Variants in SLC24A2 observed in about 807,000 individuals in gnomAD.
SLC24A2 encodes solute carrier family 24 member 2.
Under a neutral mutation model 62.0 loss-of-function variants are expected in SLC24A2, and 36 were observed. That is an observed-to-expected ratio of 0.58 (90% CI 0.44 to 0.77). SLC24A2 has a LOEUF of 0.77. Among genes scored for constraint, SLC24A2 ranks in the 30% least tolerant of loss-of-function variants. SLC24A2 has a pLI of 0.00. For synonymous variants in SLC24A2, 358 were observed against 294.0 expected (o/e 1.22, Z -2.23); for missense variants, 846 against 817.9 (o/e 1.03, Z -0.42).
chr9:20,232,801 C>T, the SLC24A2 span, among the ~76,000 whole-genome samples: 6 of 151,962 alleles, frequency 3.9e-5, no homozygotes, highest in Middle Eastern at 3.4e-3. Flanking sequence ...TTTTCTCGTT[C>T]TTTTAAGTGT....
chr9:20,074,600 AG>A, the SLC24A2 span, among the ~76,000 whole-genome samples: 2 of 59,550 alleles, frequency 3.4e-5, no homozygotes, highest in Non-Finnish European at 6.1e-5. Flanking sequence ...GAAGGAAGGA[AG>A]GAAAGAAGGG....
In SLC24A2 at chr9:19,509,523, C is replaced by G. The variant is rs1197705853; in HGVS notation, c.*6630G>C. 1 of 152,020 alleles carries G rather than the reference C, an allele frequency of 6.6e-6. No individual in the cohort carries two copies. Among genetic ancestry groups the G allele is most frequent in the Non-Finnish European group, 1.5e-5 (1 of 67,988 alleles). 9.4% of individuals were successfully genotyped at this position (152,020 alleles called of 1,614,324 possible). A position where few individuals can be genotyped will look rare whatever the true frequency, so the allele number is the denominator to read the frequency against. ...TTATGGCTTTAATTAAGACAGTTGT[C>G]TCTTATGAAGTACTATAAAGTGCAA... On this transcript the variant is annotated 3_prime_UTR_variant, in exon 11 of 11. Transcript: ENST00000341998.
At chr9:20,222,805 A>G in the SLC24A2 span, among the ~76,000 whole-genome samples, 1 of 152,120 alleles carries the variant, frequency 6.6e-6, no homozygotes, top group Non-Finnish European at 1.5e-5. Context: ...GCCAACTAGA[A>G]TTATAAATGA....
chr9:20,008,551 G>C, the SLC24A2 span, among the ~76,000 whole-genome samples: 1 of 152,086 alleles, frequency 6.6e-6, no homozygotes, highest in South Asian at 2.1e-4. Context: ...AGCCACCTTG[G>C]CAGCTCCATG....
At chr9:19,542,398 G>T (rs1218445633) in intron 8 of SLC24A2, among the ~76,000 whole-genome samples, 1 of 152,164 alleles carries the variant, frequency 6.6e-6, no homozygotes, top group East Asian at 1.9e-4. Context: ...GAGACAATTT[G>T]ACTTCCTCTT....
chr9:19,868,800 G>T, the SLC24A2 span, among the ~76,000 whole-genome samples: 1 of 148,614 alleles, frequency 6.7e-6, no homozygotes, highest in Admixed American at 6.7e-5. Flanking sequence ...GCTCTCTTTT[G>T]GTTACTCTTT....
At chr9:19,889,785 C>T in the SLC24A2 span, among the ~76,000 whole-genome samples, 1 of 152,170 alleles carries the variant, frequency 6.6e-6, no homozygotes, top group Non-Finnish European at 1.5e-5. Context: ...GCCAATGATT[C>T]ATTCTACACT....
the SLC24A2 span, among the ~76,000 whole-genome samples, chr9:20,205,896 A>C: frequency 6.6e-6 from 1 of 152,164 alleles, no homozygotes; most frequent in African/African-American, 2.4e-5. Flanking sequence ...GATGAAGTCG[A>C]CAATGATATT....
the SLC24A2 span, among the ~76,000 whole-genome samples, chr9:20,010,833 C>T: frequency 1.4e-5 from 2 of 144,576 alleles, no homozygotes; most frequent in Non-Finnish European, 3.0e-5. Context: ...TTGTTCAATT[C>T]CCACCTATGA....
chr9:20,051,675 T>TTTTTTTTTTTC, the SLC24A2 span, among the ~76,000 whole-genome samples: 3 of 145,390 alleles, frequency 2.1e-5, no homozygotes, highest in Non-Finnish European at 4.5e-5. Flanking sequence ...TTTTTTTTTT[T>TTTTTTTTTTTC]TTTTGGTGCT....
In SLC24A2 at chr9:19,665,701, C is replaced by T. The variant is rs530182801; in HGVS notation, c.931-43402G>A. On this transcript the variant is annotated intron_variant, in intron 2 of 10. Transcript: ENST00000341998. ...AGTACAGTGGCATGATCATGGCTCA[C>T]TGCAGCCTGACCTCCTGAGCTCAAG... 1.1e-4 allele frequency among the ~76,000 whole-genome samples: 16 copies of T among 152,220 alleles called. No homozygotes were observed. In the South Asian group the frequency reaches 3.1e-3, roughly 30 times the overall value.
the SLC24A2 span, among the ~76,000 whole-genome samples, chr9:20,195,317 C>CTA: frequency 6.6e-6 from 1 of 152,052 alleles, no homozygotes; most frequent in Admixed American, 6.5e-5. Flanking sequence ...ATTTATAGTC[C>CTA]AATCAGTGAT....
intron 2 of SLC24A2, among the ~76,000 whole-genome samples, chr9:19,627,557 C>T (rs1207332405): frequency 6.6e-6 from 1 of 152,112 alleles, no homozygotes; most frequent in African/African-American, 2.4e-5. Flanking sequence ...GAGGCTTGCT[C>T]TGTTGTTGCC....
At chr9:19,977,135 G>GTC in the SLC24A2 span, among the ~76,000 whole-genome samples, 1 of 151,740 alleles carries the variant, frequency 6.6e-6, no homozygotes, top group Non-Finnish European at 1.5e-5. Flanking sequence ...GTGTGTGTGT[G>GTC]TGTGTGTGTG....
the SLC24A2 span, among the ~76,000 whole-genome samples, chr9:20,216,479 T>C: frequency 1.9e-4 from 29 of 152,190 alleles, 1 homozygote; most frequent in Non-Finnish European, 3.7e-4. Flanking sequence ...GCTCTTACTG[T>C]CTTTATCAGA....
At chr9:20,165,069 G>A in the SLC24A2 span, among the ~76,000 whole-genome samples, 1 of 150,936 alleles carries the variant, frequency 6.6e-6, no homozygotes, top group Non-Finnish European at 1.5e-5. Context: ...CACCAGCATG[G>A]CACATGTATA....
At chr9:20,101,609 G>A in the SLC24A2 span, among the ~76,000 whole-genome samples, 1 of 152,256 alleles carries the variant, frequency 6.6e-6, no homozygotes, top group East Asian at 1.9e-4. Context: ...TCTGGGGTGG[G>A]CAAATTTACA....
chr9:20,078,834 G>A, the SLC24A2 span, among the ~76,000 whole-genome samples: 1 of 151,966 alleles, frequency 6.6e-6, no homozygotes, highest in African/African-American at 2.4e-5. Context: ...CAATACTTAG[G>A]AAGAAAAAGG....
intron 2 of SLC24A2, among the ~76,000 whole-genome samples, chr9:19,623,237 C>T (rs1194594423): frequency 3.9e-5 from 6 of 152,184 alleles, no homozygotes; most frequent in African/African-American, 9.6e-5. Flanking sequence ...ACAGCACCTT[C>T]GTCACTTCAC....
Sources: allele counts gnomAD v4.1 joint callset (sites outside exome capture counted in the v4.1 genomes callset), GRCh38; gene constraint gnomAD v4.1.1; transcripts MANE v1.5; gene names NCBI Gene and HGNC (gene_info 2026-07-23, HGNC 2026-07-21).